The following ZNF385B variants were observed in gnomAD, a reference collection of about 807,000 sequenced individuals.
ZNF385B encodes zinc finger protein 533.
Under a neutral mutation model 39.2 loss-of-function variants are expected in ZNF385B, and 23 were observed. The ratio of observed to expected loss-of-function variants is 0.59; its 90% CI spans 0.42 to 0.83. The LOEUF is 0.83. Ranked by LOEUF, ZNF385B falls within the 40% of genes least tolerant of loss-of-function variation. The probability of loss-of-function intolerance (pLI) is 0.00; values close to 1 mark genes in which losing one functional copy is unlikely to be tolerated. For missense variants in ZNF385B, 552 were observed against 598.9 expected (o/e 0.92, Z 0.82); for synonymous variants, 205 against 222.6 (o/e 0.92, Z 0.70).
At chr2:179,652,401 G>C (rs1693275120) in intron 3 of ZNF385B, among the ~76,000 whole-genome samples, 2 of 152,114 alleles carry the variant, frequency 1.3e-5, no homozygotes, top group South Asian at 4.1e-4. Flanking sequence ...TGTATGTCAA[G>C]GAGTTGAACA....
At chr2:179,523,757 A>G (rs2058674652) in intron 4 of ZNF385B, among the ~76,000 whole-genome samples, 2 of 152,148 alleles carry the variant, frequency 1.3e-5, no homozygotes, top group Admixed American at 1.3e-4. Context: ...TACGAAACAA[A>G]AAGACCACTC....
chr2:179,497,946 C>T (rs1328584702), intron 5 of ZNF385B, among the ~76,000 whole-genome samples: 1 of 151,848 alleles, frequency 6.6e-6, no homozygotes, highest in Non-Finnish European at 1.5e-5. Context: ...AGATCTCAAG[C>T]CAAAAACTAT....
chr2:179,665,792 G>T (rs574864797), intron 3 of ZNF385B, among the ~76,000 whole-genome samples: 1 of 151,728 alleles, frequency 6.6e-6, no homozygotes, highest in Non-Finnish European at 1.5e-5. Context: ...TTTCAACAGG[G>T]TTAAATTAGA....
At chr2:179,701,842 C>T (rs1699226426) in intron 3 of ZNF385B, among the ~76,000 whole-genome samples, 1 of 152,178 alleles carries the variant, frequency 6.6e-6, no homozygotes, top group Non-Finnish European at 1.5e-5. Flanking sequence ...TTCTGTCACA[C>T]CTAGAAAATA....
At chr2:179,839,785 G>A (rs933218821) in intron 1 of ZNF385B, among the ~76,000 whole-genome samples, 1 of 152,168 alleles carries the variant, frequency 6.6e-6, no homozygotes, top group Non-Finnish European at 1.5e-5. Context: ...GAGAAGAGGA[G>A]ATGGTAGTTA....
chr2:179,642,371 T>G (rs76149687), intron 3 of ZNF385B, among the ~76,000 whole-genome samples: 6,091 of 152,252 alleles, frequency 0.04, 165 homozygotes, highest in Middle Eastern at 0.065. Flanking sequence ...GGAGAACAAG[T>G]GATCTTCAAC....
chr2:179,630,160 G>C (rs550028310), intron 3 of ZNF385B, among the ~76,000 whole-genome samples: 112 of 152,378 alleles, frequency 7.4e-4, no homozygotes, highest in Middle Eastern at 3.4e-3. Flanking sequence ...GAAGAGAGCA[G>C]TGGTTCTCCA....
intron 5 of ZNF385B, among the ~76,000 whole-genome samples, chr2:179,488,815 T>C (rs544544530): frequency 3.3e-5 from 5 of 152,226 alleles, no homozygotes; most frequent in South Asian, 2.1e-4. Flanking sequence ...ATAAAACATA[T>C]GTCAAATGAG....
At chr2:179,843,579 A>G (rs894288867) in intron 1 of ZNF385B, among the ~76,000 whole-genome samples, 2 of 152,238 alleles carry the variant, frequency 1.3e-5, no homozygotes, top group African/African-American at 2.4e-5. Flanking sequence ...TCTCTTTTCC[A>G]AATCTTCAAT....
chr2:179,826,809 A>G (rs901782082), intron 1 of ZNF385B, among the ~76,000 whole-genome samples: 2 of 152,338 alleles, frequency 1.3e-5, no homozygotes, highest in South Asian at 2.1e-4. Flanking sequence ...AAATAATGCA[A>G]TAAGAAAGGT....
At chr2:179,507,856 C>G (rs972499794) in intron 5 of ZNF385B, among the ~76,000 whole-genome samples, 4 of 152,128 alleles carry the variant, frequency 2.6e-5, no homozygotes, top group Admixed American at 2.0e-4. Flanking sequence ...CCACCTCCAC[C>G]CCATCCCCAA....
chr2:179,807,190 A>G (rs1706405679), intron 1 of ZNF385B, among the ~76,000 whole-genome samples: 1 of 152,246 alleles, frequency 6.6e-6, no homozygotes, highest in Non-Finnish European at 1.5e-5. Flanking sequence ...ATGACTAGAT[A>G]AATTTGGTAT....
intron 3 of ZNF385B, among the ~76,000 whole-genome samples, chr2:179,569,487 C>T (rs561710161): frequency 4.6e-5 from 7 of 152,154 alleles, no homozygotes; most frequent in Admixed American, 6.6e-5. Flanking sequence ...CCAAATCTCA[C>T]GGTGCCTTTA....
chr2:179,479,160 G>A (rs959661524), intron 6 of ZNF385B, among the ~76,000 whole-genome samples: 1 of 152,180 alleles, frequency 6.6e-6, no homozygotes, highest in Non-Finnish European at 1.5e-5. Context: ...CTTCCAAAAA[G>A]TGAATGGACA....
intron 1 of ZNF385B, among the ~76,000 whole-genome samples, chr2:179,825,864 C>T (rs917356570): frequency 1.3e-5 from 2 of 151,916 alleles, no homozygotes; most frequent in African/African-American, 2.4e-5. Flanking sequence ...CCACCATCTG[C>T]GAACCCCAAC....
At chr2:179,761,424 T>C (rs905182088) in intron 3 of ZNF385B, among the ~76,000 whole-genome samples, 2 of 152,188 alleles carry the variant, frequency 1.3e-5, no homozygotes, top group African/African-American at 4.8e-5. Context: ...TCCATTTCTT[T>C]TCTCAGCATT....
At chr2:179,615,698 TG>T (rs1177841482) in intron 3 of ZNF385B, among the ~76,000 whole-genome samples, 1 of 152,232 alleles carries the variant, frequency 6.6e-6, no homozygotes, top group Non-Finnish European at 1.5e-5. Flanking sequence ...GCTTGAACTA[TG>T]GCTCTGTAGA....
intron 3 of ZNF385B, among the ~76,000 whole-genome samples, chr2:179,597,236 A>AT (rs1237898160): frequency 6.6e-6 from 1 of 152,182 alleles, no homozygotes; most frequent in African/African-American, 2.4e-5. Flanking sequence ...CAGGTACCTA[A>AT]TTTATATCTT....
At chr2:179,654,258 G>A (rs1488070657) in intron 3 of ZNF385B, among the ~76,000 whole-genome samples, 1 of 152,154 alleles carries the variant, frequency 6.6e-6, no homozygotes, top group Non-Finnish European at 1.5e-5. Context: ...TGGAAGCCAA[G>A]AAGGCAGAAG....
Sources: allele counts gnomAD v4.1 joint callset (sites outside exome capture counted in the v4.1 genomes callset), GRCh38; gene constraint gnomAD v4.1.1; transcripts MANE v1.5; gene names NCBI Gene and HGNC (gene_info 2026-07-23, HGNC 2026-07-21).